METTL6: variants seen among roughly 807,000 people sequenced by gnomAD.
METTL6 encodes tRNA N(3)-cytidine methyltransferase METTL6.
A neutral mutation model predicts 26.4 loss-of-function variants in METTL6; 22 were observed. The observed-to-expected ratio is 0.83, with a 90% confidence interval of 0.59 to 1.19. The LOEUF (loss-of-function observed/expected upper bound fraction) is 1.19, where lower values mean the gene tolerates loss of function less well. Among genes scored for constraint, METTL6 ranks in the 50% most tolerant of loss-of-function variants. The pLI is 0.00. For synonymous variants in METTL6, 109 were observed against 116.2 expected (o/e 0.94, Z 0.40); for missense variants, 304 against 324.8 (o/e 0.94, Z 0.49).
chr3:15,403,537 C>T (rs953213805), intron 6 of METTL6, among the ~76,000 whole-genome samples: 1 of 152,170 alleles, frequency 6.6e-6, no homozygotes, highest in African/African-American at 2.4e-5. Flanking sequence ...ACGATTTCCA[C>T]AGCGTTTCTT....
At chr3:15,416,178 T>C (rs1168047947) in intron 3 of METTL6, among the ~76,000 whole-genome samples, 2 of 152,184 alleles carry the variant, frequency 1.3e-5, no homozygotes. Context: ...AATAAGAGTA[T>C]CACGTACTCA....
intron 6 of METTL6, among the ~76,000 whole-genome samples, chr3:15,391,073 C>T (rs1232636999): frequency 1.3e-5 from 2 of 152,248 alleles, no homozygotes; most frequent in African/African-American, 4.8e-5. Flanking sequence ...GCCGCATCAT[C>T]TGAAGTTAGC....
chr3:15,384,866 C>T (rs1201283773), intron 6 of METTL6, among the ~76,000 whole-genome samples: 1 of 152,234 alleles, frequency 6.6e-6, no homozygotes, highest in Admixed American at 6.5e-5. Flanking sequence ...TACTGCCCCT[C>T]TTAGAGACCC....
In METTL6 at chr3:15,410,160, A is replaced by C. The variant is rs952516000; in HGVS notation, c.*1096T>G. On this transcript the variant is annotated 3_prime_UTR_variant, in exon 6 of 6. Transcript: ENST00000383790. ...TCTAACACACACACATACACTTCCT[A>C]TTTTTTAATACAAAAAGTACATAGT... Among the ~76,000 whole-genome samples the C allele has an allele frequency of 6.6e-6, 1 of 151,878 alleles. No individual in the cohort carries two copies. The highest frequency in any genetic ancestry group is 1.5e-5 in the Non-Finnish European group (1 of 67,990).
rs561116867 is a variant in METTL6, at chr3:15,412,660, T to A, written c.674-1223A>T. ...CACCACTCCTGGCTAATATTTTTTT[T>A]TTTTTATTTTTAGTAGAGACAAAGT... On this transcript the variant is annotated intron_variant, in intron 5 of 5. Coordinates refer to ENST00000383790, the MANE Select transcript of METTL6 (RefSeq NM_152396.4). Among the ~76,000 whole-genome samples, 50 of 152,048 alleles carry A rather than the reference T, an allele frequency of 3.3e-4. No homozygotes were observed. In the Middle Eastern group the frequency reaches 0.01, roughly 31 times the overall value.
intron 6 of METTL6, among the ~76,000 whole-genome samples, chr3:15,397,453 C>T (rs572557517): frequency 2.8e-4 from 43 of 152,294 alleles, no homozygotes; most frequent in Admixed American, 1.0e-3. Flanking sequence ...GATGCCTCAC[C>T]CTGCTTCGGC....
chr3:15,401,536 CA>C (rs35578326), intron 6 of METTL6, among the ~76,000 whole-genome samples: 27,247 of 72,370 alleles, frequency 0.38, 1,539 homozygotes, highest in South Asian at 0.39. Context: ...ATGTTCACGC[CA>C]AAAAAAAAAA....
At chr3:15,397,191 C>A (rs933640190) in intron 6 of METTL6, among the ~76,000 whole-genome samples, 1 of 152,214 alleles carries the variant, frequency 6.6e-6, no homozygotes, top group Non-Finnish European at 1.5e-5. Context: ...TGGCGGGCGC[C>A]CCTCCCCCAG....
At chr3:15,398,607 A>T (rs896347743) in intron 6 of METTL6, among the ~76,000 whole-genome samples, 1 of 152,314 alleles carries the variant, frequency 6.6e-6, no homozygotes, top group Non-Finnish European at 1.5e-5. Flanking sequence ...CAACACTTTG[A>T]AAGGCCAAGG....
At position 15,421,313 on chromosome 3, in the gene METTL6, C is replaced by T. The variant is rs147553487; in HGVS notation, c.360+3642G>A. ...CGATACATACTGCGTGATCTTAATC[C>T]CATAAAATTGGATACTGTGTCTATG... On this transcript the variant is annotated intron_variant, in intron 3 of 5. Coordinates refer to ENST00000383790, the MANE Select transcript of METTL6 (RefSeq NM_152396.4). 5.4e-3 allele frequency among the ~76,000 whole-genome samples: 824 copies of T among 152,188 alleles called. 9 individuals are homozygous for T. Among genetic ancestry groups the T allele is most frequent in the African/African-American group, 0.019 (785 of 41,506 alleles).
chr3:15,419,352 T>C (rs929997549), intron 3 of METTL6, among the ~76,000 whole-genome samples: 15 of 152,310 alleles, frequency 9.8e-5, no homozygotes, highest in African/African-American at 3.6e-4. Flanking sequence ...ACAAACTTCA[T>C]GTGGGTGGGA....
At chr3:15,393,003 C>G (rs1320110032) in intron 6 of METTL6, among the ~76,000 whole-genome samples, 1 of 152,082 alleles carries the variant, frequency 6.6e-6, no homozygotes, top group Non-Finnish European at 1.5e-5. Context: ...TCCATATGAA[C>G]TTTAAAGTAT....
At chr3:15,401,944 T>C (rs1430809222) in intron 6 of METTL6, among the ~76,000 whole-genome samples, 3 of 152,258 alleles carry the variant, frequency 2.0e-5, no homozygotes, top group East Asian at 3.8e-4. Flanking sequence ...GCCATTCTTT[T>C]GTTTCTTTAC....
chr3:15,427,515 G>C lies in METTL6; in HGVS notation c.-238C>G. The C allele has an allele frequency of 1.9e-6, 1 of 523,284 alleles. No homozygotes were observed. Among genetic ancestry groups the C allele is most frequent in the Non-Finnish European group, 3.4e-6 (1 of 291,674 alleles). 32.4% of individuals were successfully genotyped at this position (523,284 alleles called of 1,614,324 possible). A position where few individuals can be genotyped will look rare whatever the true frequency, so the allele number is the denominator to read the frequency against. On this transcript the variant is annotated 5_prime_UTR_variant, in exon 1 of 6. Coordinates refer to ENST00000383790, the MANE Select transcript of METTL6 (RefSeq NM_152396.4). ...GATTATCCGGGAGTTCTTTTGCCAT[G>C]GCACCGCCCCCGCCACTTCCGCTAG... is the stretch of plus-strand genomic sequence containing the variant.
At chr3:15,402,219 TGA>T (rs1455093562) in intron 6 of METTL6, among the ~76,000 whole-genome samples, 2 of 152,192 alleles carry the variant, frequency 1.3e-5, no homozygotes, top group African/African-American at 4.8e-5. Context: ...CACGGCTGAA[TGA>T]GAGACCAGAG....
intron 3 of METTL6, among the ~76,000 whole-genome samples, chr3:15,417,948 C>T (rs753662534): frequency 1.6e-4 from 24 of 152,116 alleles, no homozygotes; most frequent in Non-Finnish European, 3.5e-4. Flanking sequence ...CTTTGGGAAA[C>T]GGTACAAAGG....
intron 6 of METTL6, chr3:15,399,324 T>G (rs901423628): frequency 2.0e-5 from 3 of 151,332 alleles, no homozygotes; most frequent in African/African-American, 7.3e-5. Context: ...GCCTACAGAG[T>G]AGCCATTCTT....
downstream of METTL6, among the ~76,000 whole-genome samples, chr3:15,406,607 TATATATATATATATATATATATAGAGAG>T (rs1219760070): frequency 2.7e-5 from 2 of 73,240 alleles, no homozygotes; most frequent in African/African-American, 5.4e-5. Flanking sequence ...TATATATATA[TATATATATATATATATATATATAGAGAG>T]AGAGAGAGAG....
intron 3 of METTL6, among the ~76,000 whole-genome samples, chr3:15,424,031 A>AC (rs1404935947): frequency 6.6e-6 from 1 of 152,092 alleles, no homozygotes; most frequent in African/African-American, 2.4e-5. Context: ...ACATAGTGAG[A>AC]CCCCATCTCT....
Sources: allele counts gnomAD v4.1 joint callset (sites outside exome capture counted in the v4.1 genomes callset), GRCh38; gene constraint gnomAD v4.1.1; transcripts MANE v1.5; gene names NCBI Gene and HGNC (gene_info 2026-07-23, HGNC 2026-07-21).